The following TAF5L variants were observed in gnomAD, a reference collection of about 807,000 sequenced individuals.
TAF5L encodes TAF5-like RNA polymerase II p300/CBP-associated factor-associated factor 65 kDa subunit 5L.
A neutral mutation model predicts 51.3 loss-of-function variants in TAF5L; 7 were observed. The ratio of observed to expected loss-of-function variants is 0.14; its 90% CI spans 0.08 to 0.26. The LOEUF (loss-of-function observed/expected upper bound fraction) is 0.26, where lower values mean the gene tolerates loss of function less well. TAF5L is among the 10% of genes least tolerant of loss of function. The probability of loss-of-function intolerance (pLI) is 1.00; values close to 1 mark genes in which losing one functional copy is unlikely to be tolerated. For missense variants in TAF5L, 575 were observed against 758.9 expected (o/e 0.76, Z 2.85); for synonymous variants, 291 against 308.1 (o/e 0.94, Z 0.58).
At position 229,599,902 on chromosome 1, in the gene TAF5L, G is replaced by C. The variant is rs144062082; in HGVS notation, c.972+2293C>G. 3.9e-5 allele frequency: 38 copies of C among 985,450 alleles called. No homozygotes were observed. The East Asian group carries it at 4.2e-3, about 109-fold the overall frequency. The allele number at this position is 985,450 out of a possible 1,614,324, so 61.0% of individuals were successfully genotyped here. A position where few individuals can be genotyped will look rare whatever the true frequency, so the allele number is the denominator to read the frequency against. ...CTTCAAAAAGATGAAAGCAGAGAGT[G>C]CAAGCTGGCTTTTTAATCTGACTTA... On this transcript the variant is annotated intron_variant, in intron 4 of 4. Transcript: ENST00000258281.
At chr1:229,601,763 C>A (rs1180885123) in intron 4 of TAF5L, 2 of 1,012,700 alleles carry the variant, frequency 2.0e-6, no homozygotes, top group African/African-American at 3.5e-5. Context: ...TGTGAAATGG[C>A]ACAACCTTCT....
At chr1:229,622,917 T>C (rs1571857800) in intron 1 of TAF5L, among the ~76,000 whole-genome samples, 1 of 152,204 alleles carries the variant, frequency 6.6e-6, no homozygotes, top group Non-Finnish European at 1.5e-5. Context: ...TTAAACATAA[T>C]ACTATACTAC....
intron 4 of TAF5L, chr1:229,601,276 TAATTA>T: frequency 1.0e-6 from 1 of 985,408 alleles, no homozygotes; most frequent in Non-Finnish European, 1.2e-6. Context: ...AACTGTAATT[TAATTA>T]GAGTGATTTT....
At chr1:229,605,368 T>A (rs2102750195) in intron 3 of TAF5L, among the ~76,000 whole-genome samples, 1 of 152,286 alleles carries the variant, frequency 6.6e-6, no homozygotes, top group South Asian at 2.1e-4. Context: ...GACTTTGCAT[T>A]CTCCTCCGGG....
chr1:229,608,347 C>T (rs940594184), intron 3 of TAF5L, among the ~76,000 whole-genome samples: 4 of 151,784 alleles, frequency 2.6e-5, no homozygotes, highest in African/African-American at 9.7e-5. Flanking sequence ...TTAATAGTTA[C>T]AAAAACGAAA....
intron 2 of TAF5L, among the ~76,000 whole-genome samples, chr1:229,610,701 T>TTTTTTGAA (rs1317390689): frequency 1.3e-5 from 2 of 152,128 alleles, no homozygotes; most frequent in Non-Finnish European, 2.9e-5. Context: ...CCTGAACCAA[T>TTTTTTGAA]CCTTTAATTT....
At chr1:229,612,746 T>C (rs1664834605) in intron 2 of TAF5L, among the ~76,000 whole-genome samples, 1 of 152,074 alleles carries the variant, frequency 6.6e-6, no homozygotes, top group African/African-American at 2.4e-5. Flanking sequence ...TTTGAAGGTA[T>C]ATGAAAAGAG....
chr1:229,622,689 C>A (rs1665257429), intron 1 of TAF5L, among the ~76,000 whole-genome samples: 2 of 152,214 alleles, frequency 1.3e-5, no homozygotes, highest in Admixed American at 1.3e-4. Context: ...CAGCTCACTG[C>A]AGCCTTGACT....
chr1:229,593,981 T>C, exon 5 of TAF5L: 1 of 267,866 alleles, frequency 3.7e-6, no homozygotes, highest in Non-Finnish European at 7.2e-6. Context: ...CTAGCCCCAG[T>C]CAGATGGTGA....
intron 1 of TAF5L, among the ~76,000 whole-genome samples, chr1:229,623,117 T>C (rs1188569981): frequency 6.6e-6 from 1 of 151,984 alleles, no homozygotes; most frequent in Non-Finnish European, 1.5e-5. Context: ...TCTCCACTAA[T>C]ACAAAAATTA....
intron 2 of TAF5L, among the ~76,000 whole-genome samples, chr1:229,613,646 T>G (rs547543757): frequency 1.3e-5 from 2 of 152,324 alleles, no homozygotes; most frequent in African/African-American, 2.4e-5. Context: ...GGAGGATGTC[T>G]GTAGATGTAA....
chr1:229,602,377 A>G lies in TAF5L; in HGVS notation c.790T>C (p.Phe264Leu). 6.2e-7 allele frequency: 1 copy of G among 1,614,158 alleles called. No individual in the cohort carries two copies. The highest frequency in any genetic ancestry group is 8.5e-7 in the Non-Finnish European group (1 of 1,180,008). Residue 264 changes from phenylalanine (F) to leucine (L), a missense_variant, in exon 4 of 5, where the codon TTC (phenylalanine) becomes CTC (leucine). Physicochemically the swap from Phe to Leu is conservative, Grantham distance 22 (BLOSUM62 0). Around this residue, in one of 3 missense-constraint regions of TAF5L, gnomAD observed 380 missense variants for 443.7 expected, o/e 0.86. Coordinates refer to ENST00000258281, the Ensembl canonical transcript of TAF5L. This position sits in a 1 kb window ranked among gnomAD's most constrained non-coding sequence, Gnocchi z 4.6. The stretch of plus-strand genomic sequence containing the variant: ...TTCAACAGCTGCTCTGTGTTATAGA[A>G]GGCATAGAAGCAGATGGTAGTGAGG...
At chr1:229,623,291 CAAAACAAAAT>C (rs1235362200) in intron 1 of TAF5L, among the ~76,000 whole-genome samples, 1 of 152,234 alleles carries the variant, frequency 6.6e-6, no homozygotes, top group Non-Finnish European at 1.5e-5. Context: ...CAAAACAAAA[CAAAACAAAAT>C]ACTTTCTACT....
intron 3 of TAF5L, among the ~76,000 whole-genome samples, chr1:229,605,390 T>C (rs1039520580): frequency 1.3e-5 from 2 of 152,192 alleles, no homozygotes; most frequent in African/African-American, 4.8e-5. Context: ...AAAAGGTTAG[T>C]GTGTTTTTTG....
chr1:229,600,119 A>G (rs1664316291), intron 4 of TAF5L: 1 of 984,628 alleles, frequency 1.0e-6, no homozygotes, highest in Admixed American at 6.1e-5. Flanking sequence ...TAAGGGAAAA[A>G]GAAAAGTCCA....
chr1:229,614,484 A>G (rs1019627618), exon 2 of TAF5L: 7 of 1,613,980 alleles, frequency 4.3e-6, no homozygotes, highest in Non-Finnish European at 5.9e-6. Context: ...TCGTTTCATG[A>G]CCTTCAAGGG....
chr1:229,620,146 T>TA lies in TAF5L; in HGVS notation c.-3-5662dup, dbSNP rs796753429. Among the ~76,000 whole-genome samples the TA allele has an allele frequency of 6.8e-4, 101 of 148,178 alleles. 1 individual carries two copies. The highest frequency in any genetic ancestry group is 5.3e-3 in the South Asian group (25 of 4,676). On this transcript the variant is annotated intron_variant, in intron 1 of 4. Transcript: ENST00000258281. ...TCTAAATGGGAATTCTCTCTCAACT[T>TA]AAAAAAAAAAAATTGCGGCTAGTGC...
rs1391096023 is a variant in TAF5L at position 229,594,753 on chromosome 1, T to G, written c.1314A>C (p.Ser438=). Residue 438 remains serine (S), a synonymous_variant, in exon 5 of 5, where the codon TCA becomes TCC. Transcript: ENST00000258281. This position sits in a 1 kb window ranked among gnomAD's most constrained non-coding sequence, Gnocchi z 7.9. Reference sequence around the variant, plus strand: ...CGGTTGAGCCCGTGGCCAAGTAGTTTGAATTAGGGTGGAATTTGACACAGT... The same window carrying G: ...CGGTTGAGCCCGTGGCCAAGTAGTTGGAATTAGGGTGGAATTTGACACAGT... 2.5e-6 allele frequency: 4 copies of G among 1,614,156 alleles called. No homozygotes were observed. The East Asian group carries it at 6.7e-5, about 27-fold the overall frequency.
At chr1:229,619,000 G>A (rs1019578054) in intron 1 of TAF5L, among the ~76,000 whole-genome samples, 2 of 152,184 alleles carry the variant, frequency 1.3e-5, no homozygotes, top group Non-Finnish European at 2.9e-5. Context: ...ACTTCTGACT[G>A]TTGGCTTTTG....
Sources: gnomAD v4.1 joint callset for allele counts (sites outside exome capture counted in the v4.1 genomes callset) on GRCh38, gnomAD v4.1.1 for gene constraint, gnomAD v4.1.1 regional missense constraint, Gnocchi (gnomAD v3.1) non-coding constraint, MANE v1.5 for transcripts, NCBI Gene and HGNC (gene_info 2026-07-23, HGNC 2026-07-21) for gene names.